The following PARP4 variants were observed in gnomAD, a reference collection of about 807,000 sequenced individuals.
PARP4 encodes protein mono-ADP-ribosyltransferase PARP4.
PARP4 carries 120 observed loss-of-function variants against 187.7 expected under a neutral mutation model. That is an observed-to-expected ratio of 0.64 (90% CI 0.55 to 0.74). The LOEUF is 0.74. Among genes scored for constraint, PARP4 ranks in the 30% least tolerant of loss-of-function variants. The pLI, the probability that PARP4 is intolerant of heterozygous loss-of-function variation, is 0.00. For synonymous variants in PARP4, 654 were observed against 740.9 expected, an observed-to-expected ratio of 0.88 and a Z score of 1.90; for missense variants, 1,836 against 2,070.5, an observed-to-expected ratio of 0.89 and a Z score of 2.20.
intron 30 of PARP4, among the ~76,000 whole-genome samples, chr13:24,441,346 C>T (rs116478600): frequency 0.015 from 1,929 of 130,272 alleles, 38 homozygotes; most frequent in African/African-American, 0.053. Flanking sequence ...GTTTTTTAAC[C>T]TAGAGACCTA....
chr13:24,422,118 C>CTGGG (rs1251687335), intron 33 of PARP4, among the ~76,000 whole-genome samples: 1 of 152,114 alleles, frequency 6.6e-6, no homozygotes, highest in Non-Finnish European at 1.5e-5. Context: ...GGTTTGAGTC[C>CTGGG]TGACTCTGCA....
At chr13:24,491,453 T>C (rs1365407884) in intron 9 of PARP4, among the ~76,000 whole-genome samples, 3 of 152,210 alleles carry the variant, frequency 2.0e-5, no homozygotes, top group East Asian at 1.9e-4. Flanking sequence ...AGGTAAATCA[T>C]AGAATTTTAA....
At chr13:24,505,367 T>G (rs1171311851) in intron 1 of PARP4, among the ~76,000 whole-genome samples, 1 of 151,138 alleles carries the variant, frequency 6.6e-6, no homozygotes, top group Non-Finnish European at 1.5e-5. Context: ...CGATAAGATG[T>G]TCCCATGATT....
chr13:24,469,790 G>A (rs1315662666), intron 16 of PARP4, 104 bp downstream of exon 16: 1 of 1,177,990 alleles, frequency 8.5e-7, no homozygotes. Context: ...TGATAAGGCT[G>A]CTACTCAACC....
At position 24,470,030 on chromosome 13, in the gene PARP4, A is replaced by G. The variant is rs1461829069; in HGVS notation, c.1915-5T>C. The G allele has an allele frequency of 1.2e-6, 2 of 1,611,150 alleles. No homozygotes were observed. Among genetic ancestry groups the G allele is most frequent in the Admixed American group, 1.7e-5 (1 of 59,398 alleles). On this transcript the variant is annotated splice_region_variant and splice_polypyrimidine_tract_variant and intron_variant, in intron 15 of 33. Coordinates refer to ENST00000381989, the MANE Select transcript of PARP4 (RefSeq NM_006437.4). ...GTATGTCTGAAAAACAATGACCTGAAGAAGAAAAAAAATCCATACAATTGA... is the reference window on the plus strand; with the variant it reads ...GTATGTCTGAAAAACAATGACCTGAGGAAGAAAAAAAATCCATACAATTGA...
At chr13:24,503,588 C>G (rs1869431169) in intron 2 of PARP4, 57 bp downstream of exon 2, 2 of 1,589,034 alleles carry the variant, frequency 1.3e-6, no homozygotes, top group East Asian at 4.5e-5. Context: ...AACCATGACC[C>G]TGTTCCCTGA....
chr13:24,453,774 G>T, intron 22 of PARP4, 120 bp from the exon 23 acceptor site: 1 of 639,948 alleles, frequency 1.6e-6, no homozygotes. Flanking sequence ...ATATTTATGT[G>T]TGTACCTTTC....
chr13:24,468,618 G>C (rs565528337), intron 17 of PARP4, among the ~76,000 whole-genome samples: 1 of 152,162 alleles, frequency 6.6e-6, no homozygotes, highest in African/African-American at 2.4e-5. Flanking sequence ...TGGCCAGGCT[G>C]GTCTCAAATT....
chr13:24,457,537 C>G (rs1166968350), intron 20 of PARP4, among the ~76,000 whole-genome samples: 2 of 152,104 alleles, frequency 1.3e-5, no homozygotes, highest in Non-Finnish European at 2.9e-5. Context: ...TTTGGGAGGC[C>G]AAGGCAGGCA....
At chr13:24,468,299 A>G (rs1205113723) in intron 17 of PARP4, among the ~76,000 whole-genome samples, 14 of 152,114 alleles carry the variant, frequency 9.2e-5, no homozygotes, top group Non-Finnish European at 1.6e-4. Context: ...AAAGCACAGG[A>G]GCTGGCCCAA....
intron 1 of PARP4, among the ~76,000 whole-genome samples, chr13:24,509,071 T>C (rs961767021): frequency 4.6e-5 from 7 of 152,270 alleles, no homozygotes; most frequent in African/African-American, 1.7e-4. Context: ...AATACTCAAC[T>C]AGAACTACTG....
chr13:24,466,788 C>T (rs1872494575), intron 17 of PARP4, among the ~76,000 whole-genome samples: 2 of 93,306 alleles, frequency 2.1e-5, no homozygotes, highest in African/African-American at 4.6e-5. Flanking sequence ...AACAGTGAGA[C>T]TCTGTCTCAA....
chr13:24,459,562 CACACATTTTAT>C, intron 18 of PARP4: 4 of 412,638 alleles, frequency 9.7e-6, no homozygotes, highest in Non-Finnish European at 1.3e-5. Flanking sequence ...CACACACACA[CACACATTTTAT>C]ACATGTGCTG....
chr13:24,488,526 G>T (rs1196454749), intron 10 of PARP4, among the ~76,000 whole-genome samples: 1 of 151,436 alleles, frequency 6.6e-6, no homozygotes, highest in Non-Finnish European at 1.5e-5. Flanking sequence ...GCTAATTTTT[G>T]TATTTTTAGT....
intron 17 of PARP4, among the ~76,000 whole-genome samples, chr13:24,464,235 T>C (rs112837269): frequency 0.025 from 3,769 of 152,214 alleles, 90 homozygotes; most frequent in African/African-American, 0.068. Flanking sequence ...AAGTAATGTA[T>C]AGCTTCAATG....
At chr13:24,507,503 A>G (rs965782462) in intron 1 of PARP4, among the ~76,000 whole-genome samples, 15 of 152,012 alleles carry the variant, frequency 9.9e-5, no homozygotes, top group African/African-American at 3.6e-4. Flanking sequence ...GGAGACAACC[A>G]CTGGGTGCTA....
At chr13:24,452,735 A>C in intron 23 of PARP4, 142 bp from the exon 24 acceptor site, 1 of 616,284 alleles carries the variant, frequency 1.6e-6, no homozygotes. Context: ...AAACAACTAA[A>C]CTTATGTCCT....
Position 24,479,891 on chromosome 13 carries a change from G to A in PARP4, c.1449-1615C>T, listed in dbSNP as rs1297453802. 3.3e-5 allele frequency among the ~76,000 whole-genome samples: 5 copies of A among 152,078 alleles called. 1 individual carries two copies. The highest frequency in any genetic ancestry group is 4.1e-4 in the South Asian group (2 of 4,822). ...CTTTATGAGCTGTAACACTCACCAC[G>A]AAGGTCTGCAGCTTCACTCCTGAAG... On this transcript the variant is annotated intron_variant, in intron 12 of 33. Transcript: ENST00000381989.
intron 32 of PARP4, among the ~76,000 whole-genome samples, chr13:24,426,973 C>T (rs1870094126): frequency 1.3e-5 from 2 of 150,088 alleles, no homozygotes; most frequent in African/African-American, 4.9e-5. Flanking sequence ...CTCTAATACT[C>T]TTCAAGGTCC....
Sources: allele counts gnomAD v4.1 joint callset (sites outside exome capture counted in the v4.1 genomes callset), GRCh38; gene constraint gnomAD v4.1.1; transcripts MANE v1.5; gene names NCBI Gene and HGNC (gene_info 2026-07-23, HGNC 2026-07-21).